The following ZNF407 variants were observed in gnomAD, a reference collection of about 807,000 sequenced individuals.
ZNF407 encodes zinc finger protein 407.
A neutral mutation model predicts 131.2 loss-of-function variants in ZNF407; 17 were observed. That is an observed-to-expected ratio of 0.13 (90% CI 0.09 to 0.19). The LOEUF (loss-of-function observed/expected upper bound fraction) is 0.19. Among genes scored for constraint, ZNF407 ranks in the 10% least tolerant of loss-of-function variants. The pLI, the probability that ZNF407 is intolerant of heterozygous loss-of-function variation, is 1.00. For missense variants in ZNF407, 2,681 were observed against 2,830.6 expected, an observed-to-expected ratio of 0.95 and a Z score of 1.20; for synonymous variants, 1,156 against 1,062.0, an observed-to-expected ratio of 1.09 and a Z score of -1.72.
intron 1 of ZNF407, among the ~76,000 whole-genome samples, chr18:74,626,211 T>G (rs1401764508): frequency 6.6e-6 from 1 of 152,182 alleles, no homozygotes; most frequent in African/African-American, 2.4e-5. Flanking sequence ...AAGACTGATA[T>G]CAAGTGTTGG....
At chr18:74,734,302 A>T (rs1314118140) in intron 3 of ZNF407, among the ~76,000 whole-genome samples, 2 of 152,162 alleles carry the variant, frequency 1.3e-5, no homozygotes, top group Non-Finnish European at 2.9e-5. Context: ...CCAGTATTGC[A>T]CAATTGTGTA....
intron 8 of ZNF407, among the ~76,000 whole-genome samples, chr18:74,968,029 T>G (rs886968496): frequency 6.6e-6 from 1 of 152,122 alleles, no homozygotes; most frequent in African/African-American, 2.4e-5. Context: ...TGACTACACT[T>G]AAATTATCTA....
chr18:74,815,159 A>G (rs1970250805), intron 4 of ZNF407, among the ~76,000 whole-genome samples: 2 of 152,252 alleles, frequency 1.3e-5, no homozygotes, highest in South Asian at 4.1e-4. Flanking sequence ...GATTATAAAA[A>G]TTAGGGTTAT....
chr18:75,032,458 T>TCAA (rs1973252467), intron 8 of ZNF407, among the ~76,000 whole-genome samples: 1 of 152,166 alleles, frequency 6.6e-6, no homozygotes, highest in Non-Finnish European at 1.5e-5. Context: ...TTTGTTGTGT[T>TCAA]CAAAAGTTGA....
At chr18:74,912,303 C>A (rs1009377285) in intron 7 of ZNF407, among the ~76,000 whole-genome samples, 1 of 151,864 alleles carries the variant, frequency 6.6e-6, no homozygotes, top group African/African-American at 2.4e-5. Context: ...TTTGCCATAC[C>A]AGCTGACAAC....
intron 3 of ZNF407, among the ~76,000 whole-genome samples, chr18:74,690,283 C>A (rs916516267): frequency 2.8e-4 from 43 of 152,068 alleles, no homozygotes; most frequent in Middle Eastern, 3.2e-3. Flanking sequence ...AGGAAACATG[C>A]ATAAAATTAA....
chr18:74,842,763 G>A (rs1302487863), intron 4 of ZNF407, among the ~76,000 whole-genome samples: 2 of 151,962 alleles, frequency 1.3e-5, no homozygotes, highest in Admixed American at 6.6e-5. Context: ...TCGCTCTGTT[G>A]CCCAGGATGG....
At chr18:74,817,213 C>G (rs1464655381) in intron 4 of ZNF407, among the ~76,000 whole-genome samples, 2 of 152,160 alleles carry the variant, frequency 1.3e-5, no homozygotes, top group South Asian at 2.1e-4. Flanking sequence ...GTCATTTACT[C>G]TTTTGCAGTT....
intron 3 of ZNF407, among the ~76,000 whole-genome samples, chr18:74,757,884 G>C (rs1033569747): frequency 1.3e-5 from 2 of 151,896 alleles, no homozygotes; most frequent in Non-Finnish European, 2.9e-5. Flanking sequence ...GTTCTCCCCC[G>C]TTTTTTGGCT....
At chr18:75,011,874 C>G (rs762590319) in intron 8 of ZNF407, among the ~76,000 whole-genome samples, 3 of 151,758 alleles carry the variant, frequency 2.0e-5, no homozygotes, top group African/African-American at 7.3e-5. Context: ...ATAAATTAGC[C>G]CAATGACAAA....
chr18:74,701,159 T>A (rs1328149786), intron 3 of ZNF407, among the ~76,000 whole-genome samples: 2 of 152,082 alleles, frequency 1.3e-5, no homozygotes, highest in Non-Finnish European at 2.9e-5. Flanking sequence ...GGCTTGCAGA[T>A]GGTGGTCTGG....
chr18:74,904,568 T>G (rs1487492650), intron 7 of ZNF407, among the ~76,000 whole-genome samples: 1 of 152,178 alleles, frequency 6.6e-6, no homozygotes, highest in Non-Finnish European at 1.5e-5. Context: ...AAGAACTCAT[T>G]TGGGTTTCTG....
chr18:74,788,328 C>T (rs1030238016), intron 4 of ZNF407, among the ~76,000 whole-genome samples: 12 of 152,118 alleles, frequency 7.9e-5, no homozygotes, highest in African/African-American at 2.4e-4. Flanking sequence ...GTTTTGGGGG[C>T]GTTGTATTGA....
intron 8 of ZNF407, among the ~76,000 whole-genome samples, chr18:75,028,912 C>T (rs1973203525): frequency 6.6e-6 from 1 of 152,222 alleles, no homozygotes; most frequent in South Asian, 2.1e-4. Flanking sequence ...CCATCTCTTA[C>T]ATTAGACTTC....
intron 8 of ZNF407, among the ~76,000 whole-genome samples, chr18:75,020,677 C>T (rs1426493167): frequency 1.3e-5 from 2 of 151,974 alleles, no homozygotes; most frequent in Non-Finnish European, 2.9e-5. Context: ...TGGGAAAATC[C>T]CATTCACAAT....
chr18:74,742,970 A>G (rs1968584894), intron 3 of ZNF407, among the ~76,000 whole-genome samples: 1 of 152,188 alleles, frequency 6.6e-6, no homozygotes, highest in Non-Finnish European at 1.5e-5. Flanking sequence ...CCCTTAGGTA[A>G]TGAACCAGCA....
intron 8 of ZNF407, among the ~76,000 whole-genome samples, chr18:74,961,470 G>A (rs1468869159): frequency 6.6e-6 from 1 of 152,134 alleles, no homozygotes; most frequent in African/African-American, 2.4e-5. Context: ...TGTAATTTCA[G>A]CACTTTGGGA....
chr18:74,917,126 CA>C (rs1418400233), intron 7 of ZNF407, among the ~76,000 whole-genome samples: 4 of 152,046 alleles, frequency 2.6e-5, no homozygotes, highest in Non-Finnish European at 5.9e-5. Context: ...ATTGAAATTG[CA>C]ACCTTCCTGG....
chr18:74,656,868 A>G (rs2144722236), intron 3 of ZNF407, among the ~76,000 whole-genome samples: 1 of 152,360 alleles, frequency 6.6e-6, no homozygotes, highest in African/African-American at 2.4e-5. Context: ...TGTATTTGAC[A>G]TATCCCTTTA....
Sources: gnomAD v4.1 joint callset for allele counts (sites outside exome capture counted in the v4.1 genomes callset) on GRCh38, gnomAD v4.1.1 for gene constraint, MANE v1.5 for transcripts, NCBI Gene and HGNC (gene_info 2026-07-23, HGNC 2026-07-21) for gene names.